The following EPB41 variants were observed in gnomAD, a reference collection of about 807,000 sequenced individuals.
EPB41 encodes the protein protein 4.1.
A neutral mutation model predicts 108.0 loss-of-function variants in EPB41; 65 were observed. The observed-to-expected ratio is 0.60, with a 90% CI of 0.49 to 0.74. The LOEUF (loss-of-function observed/expected upper bound fraction) is 0.74. EPB41 is among the 30% of genes least tolerant of loss of function. EPB41 has a pLI of 0.00. For synonymous variants in EPB41, 336 were observed against 358.9 expected, an observed-to-expected ratio of 0.94 and a Z score of 0.72; for missense variants, 875 against 1,037.0, an observed-to-expected ratio of 0.84 and a Z score of 2.15.
intron 2 of EPB41, among the ~76,000 whole-genome samples, chr1:28,993,085 C>T (rs1031163995): frequency 2.0e-5 from 3 of 152,066 alleles, no homozygotes; most frequent in Non-Finnish European, 4.4e-5. Context: ...GATTGGTATC[C>T]TCCGGTTTAC....
intron 7 of EPB41, among the ~76,000 whole-genome samples, chr1:29,022,594 A>C (rs996837075): frequency 6.6e-6 from 1 of 151,060 alleles, no homozygotes; most frequent in Admixed American, 6.6e-5. Context: ...GGTGGTGGGC[A>C]CCTGTAATCC....
intron 16 of EPB41, among the ~76,000 whole-genome samples, chr1:29,079,184 AT>A (rs1553290379): frequency 6.6e-6 from 1 of 151,560 alleles, no homozygotes; most frequent in Non-Finnish European, 1.5e-5. Flanking sequence ...TTTAGTAGAG[AT>A]GGGGTTTTAT....
chr1:28,953,305 G>A lies in EPB41; in HGVS notation c.-7-34126G>A, dbSNP rs1375810695. On this transcript the variant is annotated intron_variant, in intron 1 of 20. Coordinates refer to ENST00000343067, the MANE Select transcript of EPB41 (RefSeq NM_001376013.1). ...CATGGTAGAGTTTAATAGGTTTCTT[G>A]GTTTTTTTTTTGTATTTCCTGTAAA... is the stretch of plus-strand genomic sequence containing the variant. Among the ~76,000 whole-genome samples the A allele has an allele frequency of 2.0e-5, 3 of 147,848 alleles. No homozygotes were observed. In the Admixed American group the frequency reaches 2.1e-4, roughly 10 times the overall value.
intron 17 of EPB41, among the ~76,000 whole-genome samples, chr1:29,102,945 G>A (rs998067636): frequency 6.6e-6 from 1 of 151,992 alleles, no homozygotes; most frequent in Non-Finnish European, 1.5e-5. Flanking sequence ...GCTAATTTTT[G>A]TACTTTTAGT....
intron 1 of EPB41, among the ~76,000 whole-genome samples, chr1:28,901,681 C>A (rs2091336194): frequency 1.3e-5 from 2 of 151,854 alleles, no homozygotes; most frequent in Middle Eastern, 3.4e-3. Context: ...TTACAGGCAC[C>A]CGCCACCACG....
intron 1 of EPB41, among the ~76,000 whole-genome samples, chr1:28,932,187 A>G (rs2093784963): frequency 6.6e-6 from 1 of 152,174 alleles, no homozygotes; most frequent in Admixed American, 6.5e-5. Flanking sequence ...CAGTGGCACT[A>G]TCTCAGCTCA....
chr1:29,091,268 A>G (rs951186163), intron 16 of EPB41, among the ~76,000 whole-genome samples: 30 of 152,330 alleles, frequency 2.0e-4, no homozygotes, highest in Admixed American at 1.9e-3. Flanking sequence ...ATTATTAATC[A>G]GCCTTCTCAG....
At chr1:29,039,213 A>G (rs1640591768) in intron 10 of EPB41, 41 bp from the exon 11 acceptor site, 1 of 1,575,314 alleles carries the variant, frequency 6.3e-7, no homozygotes, top group Non-Finnish European at 8.7e-7. Flanking sequence ...GAATAATAAG[A>G]TGAATATATA....
intron 4 of EPB41, among the ~76,000 whole-genome samples, chr1:28,997,734 A>G (rs1387349038): frequency 1.3e-5 from 2 of 151,934 alleles, no homozygotes; most frequent in Non-Finnish European, 2.9e-5. Context: ...TAATTATGAT[A>G]TATAATTATA....
At chr1:29,002,530 T>G (rs2096316697) in intron 4 of EPB41, among the ~76,000 whole-genome samples, 1 of 152,152 alleles carries the variant, frequency 6.6e-6, no homozygotes, top group Non-Finnish European at 1.5e-5. Flanking sequence ...AAGAAAAGAT[T>G]TATGTGTCAT....
At chr1:28,981,496 C>T (rs909541155) in intron 1 of EPB41, among the ~76,000 whole-genome samples, 2 of 152,194 alleles carry the variant, frequency 1.3e-5, no homozygotes, top group African/African-American at 2.4e-5. Flanking sequence ...TCTTATGGAC[C>T]GCCTCTGCAC....
At chr1:29,055,754 C>T (rs1645257263) in intron 12 of EPB41, among the ~76,000 whole-genome samples, 1 of 150,546 alleles carries the variant, frequency 6.6e-6, no homozygotes, top group African/African-American at 2.5e-5. Flanking sequence ...ATGGCAAAAC[C>T]CCGTCTTTAC....
At chr1:28,926,508 C>G (rs2093456702) in intron 1 of EPB41, among the ~76,000 whole-genome samples, 1 of 152,142 alleles carries the variant, frequency 6.6e-6, no homozygotes, top group Non-Finnish European at 1.5e-5. Context: ...ACGACTATAC[C>G]TTTACTTATG....
chr1:28,991,721 C>CA (rs911895312), intron 2 of EPB41, among the ~76,000 whole-genome samples: 23 of 135,122 alleles, frequency 1.7e-4, no homozygotes, highest in Non-Finnish European at 1.6e-4. Context: ...AAAAAAAAAG[C>CA]AAAAAAAACA....
At chr1:29,101,292 A>G (rs1665316966) in intron 17 of EPB41, among the ~76,000 whole-genome samples, 1 of 152,168 alleles carries the variant, frequency 6.6e-6, no homozygotes, top group Non-Finnish European at 1.5e-5. Flanking sequence ...GTAGGTACCA[A>G]CTAGGTAACC....
chr1:29,104,371 T>C (rs1272648538), intron 17 of EPB41, among the ~76,000 whole-genome samples: 1 of 152,168 alleles, frequency 6.6e-6, no homozygotes, highest in African/African-American at 2.4e-5. Context: ...AGTTTTTACG[T>C]GTAGTTTTTT....
In EPB41 at chr1:28,892,797, C is replaced by CTTT. The variant is rs995428093; in HGVS notation, c.-8+5609_-8+5611dup. On this transcript the variant is annotated intron_variant, in intron 1 of 16. Transcript: ENST00000347529. Reference sequence around the variant, plus strand: ...AGTGAAGTCAGGATTTTCCCAGGTTCTTTTTTTTTTTTTTTTTTTTTTTTG... The same window carrying CTTT: ...AGTGAAGTCAGGATTTTCCCAGGTTCTTTTTTTTTTTTTTTTTTTTTTTTTTTG... Among the ~76,000 whole-genome samples, 374 of 87,186 alleles carry CTTT rather than the reference C, an allele frequency of 4.3e-3. 1 individual carries two copies. The highest frequency in any genetic ancestry group is 8.9e-3 in the Middle Eastern group (1 of 112). 57.2% of individuals were successfully genotyped at this position (87,186 alleles called of 152,430 possible). A position where few individuals can be genotyped will look rare whatever the true frequency, so the allele number is the denominator to read the frequency against.
intron 16 of EPB41, among the ~76,000 whole-genome samples, chr1:29,094,970 A>T (rs1373901030): frequency 6.6e-6 from 1 of 152,238 alleles, no homozygotes; most frequent in African/African-American, 2.4e-5. Context: ...ATTACTCATA[A>T]TACCTAATAA....
intron 11 of EPB41, among the ~76,000 whole-genome samples, chr1:29,051,027 A>G (rs902515561): frequency 1.3e-5 from 2 of 148,708 alleles, no homozygotes; most frequent in African/African-American, 4.9e-5. Flanking sequence ...CCGCTAAGGA[A>G]TTAGTTCTTT....
Sources: allele counts gnomAD v4.1 joint callset (sites outside exome capture counted in the v4.1 genomes callset), GRCh38; gene constraint gnomAD v4.1.1; transcripts MANE v1.5; gene names NCBI Gene and HGNC (gene_info 2026-07-23, HGNC 2026-07-21).